The following SNX29 variants were observed in gnomAD, a reference collection of about 807,000 sequenced individuals.
SNX29 encodes the protein sorting nexin-29.
SNX29 carries 78 observed loss-of-function variants against 102.1 expected under a neutral mutation model. That is an observed-to-expected ratio of 0.76 (90% confidence interval 0.64 to 0.92). SNX29 has a LOEUF of 0.92. SNX29 is among the 40% of genes least tolerant of loss of function. SNX29 has a pLI of 0.00. For synonymous variants in SNX29, 580 were observed against 414.5 expected (o/e 1.40, Z -4.85); for missense variants, 1,280 against 1,061.7 (o/e 1.21, Z -2.86).
chr16:12,275,066 A>T (rs184680139), intron 14 of SNX29, among the ~76,000 whole-genome samples: 1 of 152,146 alleles, frequency 6.6e-6, no homozygotes, highest in East Asian at 1.9e-4. Flanking sequence ...CTTTTCTCAA[A>T]TGGGATGTGA....
chr16:12,324,622 C>T (rs1247151667), intron 15 of SNX29, among the ~76,000 whole-genome samples: 4 of 152,060 alleles, frequency 2.6e-5, no homozygotes, highest in African/African-American at 7.2e-5. Context: ...TGTTTGCAAC[C>T]TCTGGTCTAA....
intron 18 of SNX29, among the ~76,000 whole-genome samples, chr16:12,439,821 C>T (rs1218345137): frequency 1.3e-5 from 2 of 152,198 alleles, no homozygotes; most frequent in East Asian, 1.9e-4. Context: ...CAGTAGTACA[C>T]CTTCACCCCT....
intron 11 of SNX29, among the ~76,000 whole-genome samples, chr16:12,082,533 G>A (rs535546361): frequency 6.3e-5 from 9 of 143,172 alleles, no homozygotes; most frequent in South Asian, 2.2e-4. Context: ...TGACAGAGGC[G>A]TAGATTGTTT....
intron 11 of SNX29, among the ~76,000 whole-genome samples, chr16:12,125,605 CTTTTTTTTTTTTTTT>C (rs36212472): frequency 7.7e-4 from 35 of 45,450 alleles, no homozygotes; most frequent in East Asian, 1.5e-3. Context: ...TGAGATCTCT[CTTTTTTTTTTTTTTT>C]TTTTTTTTTT....
intron 3 of SNX29, among the ~76,000 whole-genome samples, chr16:12,007,812 C>G (rs553077279): frequency 1.1e-3 from 174 of 152,362 alleles, no homozygotes; most frequent in African/African-American, 4.0e-3. Flanking sequence ...CCCTTGAAAC[C>G]TCCCAGCTGC....
intron 14 of SNX29, among the ~76,000 whole-genome samples, chr16:12,232,575 G>A (rs1366580538): frequency 6.6e-6 from 1 of 152,174 alleles, no homozygotes; most frequent in East Asian, 1.9e-4. Context: ...GTAAACAAAG[G>A]AAGAGTTTTC....
intron 10 of SNX29, among the ~76,000 whole-genome samples, chr16:12,076,716 G>A (rs11859327): frequency 0.21 from 31,947 of 152,086 alleles, 3,722 homozygotes; most frequent in African/African-American, 0.31. Context: ...TGCTATTACC[G>A]TTTTCTTCTT....
At chr16:12,125,605 C>CTCTT (rs2054175978) in intron 11 of SNX29, among the ~76,000 whole-genome samples, 3 of 45,454 alleles carry the variant, frequency 6.6e-5, no homozygotes, top group South Asian at 8.4e-4. Flanking sequence ...TGAGATCTCT[C>CTCTT]TTTTTTTTTT....
rs960267254 is a variant in SNX29 at position 12,216,297 on chromosome 16, C to G, written c.1678+16614C>G. On this transcript the variant is annotated intron_variant, in intron 14 of 20. Transcript: ENST00000566228. ...CACAAACAGTCTTGGGAGAAGCATT[C>G]TCTGCCTGAAGGGCTTTGTGACCCC... 2.6e-5 allele frequency among the ~76,000 whole-genome samples: 4 copies of G among 152,206 alleles called. No individual in the cohort carries two copies. The East Asian group carries it at 7.7e-4, about 29-fold the overall frequency.
chr16:12,444,108 G>C (rs576123866), intron 18 of SNX29, among the ~76,000 whole-genome samples: 10 of 151,360 alleles, frequency 6.6e-5, no homozygotes, highest in Non-Finnish European at 1.0e-4. Context: ...CACCTAGCAC[G>C]TAGTAAGCAC....
intron 15 of SNX29, among the ~76,000 whole-genome samples, chr16:12,348,451 G>A (rs1017089138): frequency 6.6e-6 from 1 of 152,198 alleles, no homozygotes; most frequent in South Asian, 2.1e-4. Flanking sequence ...GGGGATGTGG[G>A]AGCAGCCAGA....
chr16:12,218,951 T>G (rs527920210), intron 14 of SNX29, among the ~76,000 whole-genome samples: 2 of 152,138 alleles, frequency 1.3e-5, no homozygotes, highest in Middle Eastern at 3.2e-3. Context: ...ATTTTTTGTA[T>G]TTTTAGTAGA....
At chr16:12,024,385 A>T (rs2057129338) in intron 3 of SNX29, among the ~76,000 whole-genome samples, 1 of 152,012 alleles carries the variant, frequency 6.6e-6, no homozygotes, top group African/African-American at 2.4e-5. Context: ...ACCCCAGGTG[A>T]TCCACCCGCC....
At chr16:12,545,931 T>C (rs572721293) in intron 20 of SNX29, among the ~76,000 whole-genome samples, 1 of 152,180 alleles carries the variant, frequency 6.6e-6, no homozygotes. Context: ...GCTATTAATA[T>C]TTATGTATTA....
intron 18 of SNX29, among the ~76,000 whole-genome samples, chr16:12,449,266 C>T (rs2086197005): frequency 6.6e-6 from 1 of 151,784 alleles, no homozygotes; most frequent in Non-Finnish European, 1.5e-5. Flanking sequence ...AAGGATGTTG[C>T]AGGGTGAAGA....
chr16:12,418,237 C>T (rs566586447), intron 18 of SNX29, among the ~76,000 whole-genome samples: 5 of 152,282 alleles, frequency 3.3e-5, no homozygotes, highest in African/African-American at 1.2e-4. Flanking sequence ...CTCTAAATAC[C>T]ACTTTTCACC....
chr16:12,389,791 C>A (rs1262169498), intron 16 of SNX29, among the ~76,000 whole-genome samples: 1 of 152,162 alleles, frequency 6.6e-6, no homozygotes, highest in Non-Finnish European at 1.5e-5. Context: ...AACCCTGGGA[C>A]CTGGGAGGAG....
At position 11,976,756 on chromosome 16, in the gene SNX29, A is replaced by AAGCGGC. The variant is rs1221189849; in HGVS notation, c.-44_-39dup. ...CCTGTCTGGAGCTCGGCAGCCGCAGAAGCGGCAGCGGCGGCGGCGCGGCGC... is the reference window on the plus strand; with the variant it reads ...CCTGTCTGGAGCTCGGCAGCCGCAGAAGCGGCAGCGGCAGCGGCGGCGGCGCGGCGC... On this transcript the variant is annotated 5_prime_UTR_variant, in exon 1 of 21. Transcript: ENST00000566228. 6.3e-6 allele frequency: 8 copies of AAGCGGC among 1,261,230 alleles called. No homozygotes were observed. The highest frequency in any genetic ancestry group is 8.1e-6 in the Non-Finnish European group (8 of 985,988). The allele number at this position is 1,261,230 out of a possible 1,614,324, so 78.1% of individuals were successfully genotyped here.
chr16:12,549,602 T>C (rs1353232396), intron 20 of SNX29, among the ~76,000 whole-genome samples: 1 of 152,178 alleles, frequency 6.6e-6, no homozygotes, highest in Non-Finnish European at 1.5e-5. Context: ...CTTTTTCTAC[T>C]CCAGAGTCCT....
Sources: gnomAD v4.1 joint callset for allele counts (sites outside exome capture counted in the v4.1 genomes callset) on GRCh38, gnomAD v4.1.1 for gene constraint, MANE v1.5 for transcripts, NCBI Gene and HGNC (gene_info 2026-07-23, HGNC 2026-07-21) for gene names.